The following NLGN1 variants were observed in gnomAD, a reference collection of about 807,000 sequenced individuals.
NLGN1 encodes neuroligin-1.
Under a neutral mutation model 65.5 loss-of-function variants are expected in NLGN1, and 12 were observed. The observed-to-expected ratio is 0.18, with a 90% CI of 0.12 to 0.30. The LOEUF (loss-of-function observed/expected upper bound fraction) is 0.30. Ranked by LOEUF, NLGN1 falls within the 10% of genes least tolerant of loss-of-function variation. The pLI is 1.00. For missense variants in NLGN1, 750 were observed against 1,007.1 expected, an observed-to-expected ratio of 0.74 and a Z score of 3.46; for synonymous variants, 350 against 359.5, an observed-to-expected ratio of 0.97 and a Z score of 0.30.
chr3:173,614,794 A>T (rs1752815735), intron 3 of NLGN1, among the ~76,000 whole-genome samples: 1 of 152,032 alleles, frequency 6.6e-6, no homozygotes, highest in Non-Finnish European at 1.5e-5. Context: ...CAATGGAAAG[A>T]TTTCTTTCCT....
intron 4 of NLGN1, among the ~76,000 whole-genome samples, chr3:174,182,078 A>G (rs927818182): frequency 1.3e-5 from 2 of 151,624 alleles, no homozygotes; most frequent in Non-Finnish European, 2.9e-5. Flanking sequence ...CACCTAACCC[A>G]TACATTCTGT....
intron 4 of NLGN1, among the ~76,000 whole-genome samples, chr3:174,138,399 T>C (rs1213312330): frequency 6.6e-6 from 1 of 151,922 alleles, no homozygotes; most frequent in Non-Finnish European, 1.5e-5. Context: ...TGTTATAATT[T>C]ACTCTACATT....
At chr3:173,792,126 T>C (rs1470512018) in intron 3 of NLGN1, among the ~76,000 whole-genome samples, 1 of 152,042 alleles carries the variant, frequency 6.6e-6, no homozygotes, top group Non-Finnish European at 1.5e-5. Flanking sequence ...AACAATGAAA[T>C]TGTGCTTCAT....
intron 3 of NLGN1, among the ~76,000 whole-genome samples, chr3:173,606,824 A>G (rs565059448): frequency 1.3e-5 from 2 of 152,116 alleles, no homozygotes; most frequent in South Asian, 2.1e-4. Flanking sequence ...GAAGATGGAT[A>G]TGGAGGCAAT....
Position 174,279,268 on chromosome 3 carries a change from T to C in NLGN1, c.1267T>C (p.Tyr423His), listed in dbSNP as rs1277054600. The C allele has an allele frequency of 1.2e-6, 2 of 1,613,278 alleles. No individual in the cohort carries two copies. The highest frequency in any genetic ancestry group is 1.7e-6 in the Non-Finnish European group (2 of 1,179,588). Residue 423 changes from tyrosine (Y) to histidine (H), a missense_variant, in exon 6 of 7, where the codon TAT becomes CAT. Coordinates refer to ENST00000457714, the Ensembl canonical transcript of NLGN1. This position sits in a 1 kb window ranked among gnomAD's most constrained non-coding sequence, Gnocchi z 4.7. Reference sequence around the variant, plus strand: ...TGTTTCAAATTTTGTTGATAATTTATATGGATATCCTGAAGGCAAAGATGT... The same window carrying C: ...TGTTTCAAATTTTGTTGATAATTTACATGGATATCCTGAAGGCAAAGATGT...
chr3:173,396,896 T>TCTATTA (rs1716716347), upstream of NLGN1, among the ~76,000 whole-genome samples: 1 of 151,920 alleles, frequency 6.6e-6, no homozygotes, highest in Non-Finnish European at 1.5e-5. Flanking sequence ...ATCGTCTATT[T>TCTATTA]GAGTTTAAAT....
At chr3:173,948,465 G>T (rs1210272540) in intron 4 of NLGN1, among the ~76,000 whole-genome samples, 2 of 152,222 alleles carry the variant, frequency 1.3e-5, no homozygotes, top group Non-Finnish European at 2.9e-5. Context: ...CACATAGGTT[G>T]TTTGGTCTGA....
chr3:174,047,318 AC>A (rs1733838435), intron 4 of NLGN1, among the ~76,000 whole-genome samples: 1 of 152,008 alleles, frequency 6.6e-6, no homozygotes, highest in Non-Finnish European at 1.5e-5. Flanking sequence ...TGTACAGTAA[AC>A]CCTAGGATTA....
intron 4 of NLGN1, among the ~76,000 whole-genome samples, chr3:174,272,702 GATAGAT>G (rs1218190995): frequency 1.7e-4 from 25 of 150,830 alleles, no homozygotes; most frequent in Admixed American, 1.1e-3. Flanking sequence ...TAGATAGATA[GATAGAT>G]ATAGATAGAT....
intron 4 of NLGN1, among the ~76,000 whole-genome samples, chr3:174,250,274 T>C (rs1744536548): frequency 6.6e-6 from 1 of 152,166 alleles, no homozygotes; most frequent in Admixed American, 6.5e-5. Flanking sequence ...TAAATTCTGG[T>C]GATACAACAT....
intron 4 of NLGN1, among the ~76,000 whole-genome samples, chr3:174,268,026 T>C (rs986169266): frequency 1.3e-5 from 2 of 152,196 alleles, no homozygotes; most frequent in African/African-American, 4.8e-5. Flanking sequence ...GTTTTTATTG[T>C]TCCTGAAGCT....
At chr3:174,158,937 G>A (rs373185309) in intron 4 of NLGN1, among the ~76,000 whole-genome samples, 7 of 151,454 alleles carry the variant, frequency 4.6e-5, no homozygotes, top group African/African-American at 1.5e-4. Flanking sequence ...ACTACTGAGT[G>A]CACTCAACTT....
At chr3:173,604,342 C>G (rs1577488884) in exon 3 of NLGN1, 1 of 464,118 alleles carries the variant, frequency 2.2e-6, no homozygotes, top group Admixed American at 3.8e-5. Context: ...AATGCCCACT[C>G]TTGCCACACT....
At chr3:174,005,387 G>C (rs537688951) in intron 4 of NLGN1, among the ~76,000 whole-genome samples, 1 of 152,188 alleles carries the variant, frequency 6.6e-6, no homozygotes, top group East Asian at 1.9e-4. Context: ...TGTATCTCTA[G>C]ATTCTAATGT....
rs529752177 is a variant in NLGN1, at chr3:173,809,942, A to G, written c.646+2110A>G. On this transcript the variant is annotated intron_variant, in intron 4 of 6. Transcript: ENST00000457714. Reference sequence around the variant, plus strand: ...ATTTGTTCTGGCTCTACTGTACCCTAGAATATAACATTTAGTTGTCTCCTC... The same window carrying G: ...ATTTGTTCTGGCTCTACTGTACCCTGGAATATAACATTTAGTTGTCTCCTC... Among the ~76,000 whole-genome samples, 12 of 152,310 alleles carry G rather than the reference A, an allele frequency of 7.9e-5. No individual in the cohort carries two copies. The South Asian group carries it at 2.5e-3, about 32-fold the overall frequency.
chr3:173,442,455 G>A (rs527330318), intron 2 of NLGN1, among the ~76,000 whole-genome samples: 14 of 152,172 alleles, frequency 9.2e-5, no homozygotes, highest in Non-Finnish European at 2.1e-4. Flanking sequence ...CAAAAATAAT[G>A]TGTAACATTC....
chr3:173,900,372 A>G (rs1231700239), intron 4 of NLGN1, among the ~76,000 whole-genome samples: 1 of 152,034 alleles, frequency 6.6e-6, no homozygotes, highest in African/African-American at 2.4e-5. Flanking sequence ...ATACCCTAAT[A>G]TCATTGCCCT....
intron 4 of NLGN1, among the ~76,000 whole-genome samples, chr3:173,931,335 A>G (rs1744051796): frequency 6.6e-6 from 1 of 152,172 alleles, no homozygotes; most frequent in Non-Finnish European, 1.5e-5. Flanking sequence ...GCTTTGAAGA[A>G]AAAACAAAGC....
At chr3:173,429,087 C>T (rs35074222) in intron 1 of NLGN1, among the ~76,000 whole-genome samples, 2,968 of 152,112 alleles carry the variant, frequency 0.02, 108 homozygotes, top group African/African-American at 0.068. Context: ...AAGTTTTCTA[C>T]ACCTTGCTAT....
Sources: allele counts gnomAD v4.1 joint callset (sites outside exome capture counted in the v4.1 genomes callset), GRCh38; gene constraint gnomAD v4.1.1; non-coding constraint Gnocchi (gnomAD v3.1); transcripts MANE v1.5; gene names NCBI Gene and HGNC (gene_info 2026-07-23, HGNC 2026-07-21).